The following SPATA7 variants were observed in gnomAD, a reference collection of about 807,000 sequenced individuals.
SPATA7 encodes spermatogenesis-associated protein 7.
A neutral mutation model predicts 51.8 loss-of-function variants in SPATA7; 43 were observed. That is an observed-to-expected ratio of 0.83 (90% confidence interval 0.65 to 1.07). The LOEUF is 1.07. Ranked by LOEUF, SPATA7 falls within the 50% of genes least tolerant of loss-of-function variation. The pLI is 0.00. For missense variants in SPATA7, 683 were observed against 701.3 expected (o/e 0.97, Z 0.30); for synonymous variants, 230 against 252.8 (o/e 0.91, Z 0.86).
intron 5 of SPATA7, among the ~76,000 whole-genome samples, chr14:88,417,453 C>T (rs2076515746): frequency 6.6e-6 from 1 of 151,748 alleles, no homozygotes; most frequent in Non-Finnish European, 1.5e-5. Context: ...ATCACAGGCA[C>T]CCACCACGAC....
At position 88,469,655 on chromosome 14, in the gene SPATA7, T is replaced by C. The variant is rs1566804557; in HGVS notation, c.255-192T>C. ...TCTGTGCGGAACCGGGTCGTGATCT[T>C]AAACCTTCCATAGGTGACAGTGTTG... On this transcript the variant is annotated intron_variant, in intron 4 of 4. Coordinates refer to the SPATA7 transcript ENST00000556406. This position sits in a 1 kb window ranked among gnomAD's most constrained non-coding sequence, Gnocchi z 4.3. 6.2e-7 allele frequency: 1 copy of C among 1,614,174 alleles called. No individual in the cohort carries two copies.
intron 5 of SPATA7, among the ~76,000 whole-genome samples, chr14:88,425,491 G>C (rs916195375): frequency 6.6e-6 from 1 of 152,016 alleles, no homozygotes; most frequent in East Asian, 1.9e-4. Context: ...GTGTCCGTAA[G>C]GGCTGAAGTC....
At position 88,469,795 on chromosome 14, in the gene SPATA7, G is replaced by A; in HGVS notation, c.255-52G>A. ...CGGCAATGGATGCCTTTCTCACATA[G>A]ACGGCACATCTGAAACAGAACCACA... On this transcript the variant is annotated intron_variant, in intron 4 of 4. Transcript: ENST00000556406. This position sits in a 1 kb window ranked among gnomAD's most constrained non-coding sequence, Gnocchi z 4.3. 5.0e-6 allele frequency: 8 copies of A among 1,597,092 alleles called. No individual in the cohort carries two copies. The highest frequency in any genetic ancestry group is 6.9e-6 in the Non-Finnish European group (8 of 1,164,812).
chr14:88,413,293 T>C (rs1352547229), intron 4 of SPATA7, among the ~76,000 whole-genome samples: 4 of 152,082 alleles, frequency 2.6e-5, no homozygotes, highest in Non-Finnish European at 5.9e-5. Context: ...GTATTTTATT[T>C]TGTGTGTGTG....
Position 88,421,701 on chromosome 14 carries a change from A to G in SPATA7, c.373-4531A>G, listed in dbSNP as rs539240266. 1.1e-4 allele frequency among the ~76,000 whole-genome samples: 17 copies of G among 152,354 alleles called. No homozygotes were observed. The East Asian group carries it at 3.3e-3, about 29-fold the overall frequency. On this transcript the variant is annotated intron_variant, in intron 5 of 11. Transcript: ENST00000393545. ...CGTGGTGGCTCATGGCTGTAATCCCAGCACTTTGGGAGGCTGAGGCGGGCG... is the reference window on the plus strand; with the variant it reads ...CGTGGTGGCTCATGGCTGTAATCCCGGCACTTTGGGAGGCTGAGGCGGGCG...
chr14:88,463,126 C>T (rs1336306480), intron 4 of SPATA7, among the ~76,000 whole-genome samples: 1 of 152,164 alleles, frequency 6.6e-6, no homozygotes, highest in Non-Finnish European at 1.5e-5. Context: ...CTTGGAACTG[C>T]TGCTCCTTCA....
At chr14:88,470,143 T>C in exon 5 of SPATA7, 1 of 1,308,550 alleles carries the variant, frequency 7.6e-7, no homozygotes, top group Non-Finnish European at 1.1e-6. Context: ...AAAAGTTTTT[T>C]TAAAAAAGTA....
intron 4 of SPATA7, among the ~76,000 whole-genome samples, chr14:88,397,312 C>A (rs1205238268): frequency 6.6e-6 from 1 of 152,178 alleles, no homozygotes; most frequent in Non-Finnish European, 1.5e-5. Flanking sequence ...AGTAGCCATA[C>A]TAAAAGGTGT....
chr14:88,385,710 C>T lies in SPATA7; in HGVS notation c.-109C>T. 3.7e-6 allele frequency: 4 copies of T among 1,071,520 alleles called. No individual in the cohort carries two copies. The highest frequency in any genetic ancestry group is 2.5e-4 in the Middle Eastern group (1 of 4,050). 66.4% of individuals were successfully genotyped at this position (1,071,520 alleles called of 1,614,324 possible). On this transcript the variant is annotated 5_prime_UTR_variant, in exon 1 of 12. Coordinates refer to ENST00000393545, the MANE Select transcript of SPATA7 (RefSeq NM_018418.5). Reference sequence around the variant, plus strand: ...GCAACGGTTTCCCTGCTGCTGCAGCCCCCGTCGGCTCCTCTTTTCCAGTCC... The same window carrying T: ...GCAACGGTTTCCCTGCTGCTGCAGCTCCCGTCGGCTCCTCTTTTCCAGTCC...
At chr14:88,422,330 C>T (rs2076668853) in intron 5 of SPATA7, among the ~76,000 whole-genome samples, 1 of 152,138 alleles carries the variant, frequency 6.6e-6, no homozygotes, top group Admixed American at 6.5e-5. Context: ...AGCAATAGAG[C>T]TGCTTCCTTT....
chr14:88,460,758 G>A (rs1450995060), intron 4 of SPATA7, among the ~76,000 whole-genome samples: 1 of 152,206 alleles, frequency 6.6e-6, no homozygotes, highest in Non-Finnish European at 1.5e-5. Flanking sequence ...GTAAGGAGCT[G>A]CGTTCCTTTG....
downstream of SPATA7, among the ~76,000 whole-genome samples, chr14:88,441,789 G>T (rs1024850617): frequency 6.6e-6 from 1 of 152,052 alleles, no homozygotes; most frequent in Non-Finnish European, 1.5e-5. Context: ...TCTTCACTCT[G>T]TGGGTTGTCT....
downstream of SPATA7, among the ~76,000 whole-genome samples, chr14:88,456,967 T>C (rs2077287935): frequency 1.3e-5 from 2 of 152,206 alleles, no homozygotes; most frequent in African/African-American, 2.4e-5. Flanking sequence ...CCCAGCACCA[T>C]TTATTAAATA....
intron 4 of SPATA7, among the ~76,000 whole-genome samples, chr14:88,409,147 T>C (rs920047156): frequency 2.0e-5 from 3 of 152,122 alleles, no homozygotes; most frequent in African/African-American, 7.2e-5. Flanking sequence ...TTGTCTGTTG[T>C]TTGGAATAGC....
chr14:88,447,032 G>A (rs192614324), intron 3 of SPATA7, among the ~76,000 whole-genome samples: 3,919 of 152,012 alleles, frequency 0.026, 177 homozygotes, highest in African/African-American at 0.089. Context: ...CAATTCCTGG[G>A]TATCCTTGTT....
At chr14:88,418,907 T>A (rs190936790) in intron 5 of SPATA7, among the ~76,000 whole-genome samples, 85 of 152,366 alleles carry the variant, frequency 5.6e-4, no homozygotes, top group African/African-American at 1.9e-3. Flanking sequence ...TTAGGAAACA[T>A]CTATATTATA....
At chr14:88,450,707 T>C (rs960105308) in intron 3 of SPATA7, among the ~76,000 whole-genome samples, 2 of 152,200 alleles carry the variant, frequency 1.3e-5, no homozygotes, top group African/African-American at 4.8e-5. Flanking sequence ...TACCTGATGC[T>C]TTTGCCGCAT....
intron 1 of SPATA7, among the ~76,000 whole-genome samples, chr14:88,390,778 G>A (rs2075723235): frequency 1.3e-5 from 2 of 152,104 alleles, no homozygotes; most frequent in Admixed American, 6.5e-5. Context: ...CTGAGAGTTT[G>A]TTGGTATTTT....
At chr14:88,424,898 AT>A (rs2076745496) in intron 5 of SPATA7, among the ~76,000 whole-genome samples, 1 of 152,130 alleles carries the variant, frequency 6.6e-6, no homozygotes, top group Non-Finnish European at 1.5e-5. Flanking sequence ...GTTATCTGCA[AT>A]TTTTTTGCTT....
Sources: allele counts gnomAD v4.1 joint callset (sites outside exome capture counted in the v4.1 genomes callset), GRCh38; gene constraint gnomAD v4.1.1; non-coding constraint Gnocchi (gnomAD v3.1); transcripts MANE v1.5; gene names NCBI Gene and HGNC (gene_info 2026-07-23, HGNC 2026-07-21).